BTBD9: variants seen among roughly 807,000 people sequenced by gnomAD.
BTBD9 encodes BTB domain containing 9.
BTBD9 carries 49 observed loss-of-function variants against 64.3 expected under a neutral mutation model. The observed-to-expected ratio is 0.76, with a 90% CI of 0.61 to 0.97. The LOEUF (loss-of-function observed/expected upper bound fraction) is 0.97, where lower values mean the gene tolerates loss of function less well. BTBD9 is among the 50% of genes least tolerant of loss of function. The pLI, the probability that BTBD9 is intolerant of heterozygous loss-of-function variation, is 0.00. For synonymous variants in BTBD9, 260 were observed against 274.7 expected (o/e 0.95, Z 0.53); for missense variants, 598 against 762.1 (o/e 0.78, Z 2.53).
At chr6:38,223,870 G>A (rs1046516306) in intron 9 of BTBD9, among the ~76,000 whole-genome samples, 5 of 151,562 alleles carry the variant, frequency 3.3e-5, no homozygotes, top group Non-Finnish European at 7.4e-5. Flanking sequence ...CCCTGTTCTA[G>A]GTTTACTTCT....
rs1766623478 is a variant in BTBD9, at chr6:38,168,746, GC to G, written c.*6238del. ...CTGGGAGGTACACACATCTTTACAG[GC>G]CCAGAAACGCCAAAGGCTGGGAGGC... On this transcript the variant is annotated 3_prime_UTR_variant, in exon 11 of 11. Coordinates refer to ENST00000481247, the MANE Select transcript of BTBD9 (RefSeq NM_001099272.2). The G allele has an allele frequency of 6.6e-6, 1 of 152,186 alleles. No homozygotes were observed. Among genetic ancestry groups the G allele is most frequent in the Non-Finnish European group, 1.5e-5 (1 of 68,054 alleles). 9.4% of individuals were successfully genotyped at this position (152,186 alleles called of 1,614,324 possible).
At chr6:38,466,305 T>G (rs1770388489) in intron 6 of BTBD9, among the ~76,000 whole-genome samples, 2 of 144,488 alleles carry the variant, frequency 1.4e-5, no homozygotes, top group Non-Finnish European at 3.0e-5. Flanking sequence ...TTTTTTTTTT[T>G]TTTTTAGATG....
At chr6:38,514,525 A>G (rs529795016) in intron 6 of BTBD9, among the ~76,000 whole-genome samples, 100 of 152,258 alleles carry the variant, frequency 6.6e-4, no homozygotes, top group African/African-American at 2.3e-3. Flanking sequence ...GAACATGAAC[A>G]AAGTCCACCC....
At chr6:38,194,232 C>T (rs1247874957) in intron 9 of BTBD9, among the ~76,000 whole-genome samples, 1 of 152,114 alleles carries the variant, frequency 6.6e-6, no homozygotes, top group East Asian at 1.9e-4. Flanking sequence ...TGACCACACA[C>T]TCATGTCCTT....
At chr6:38,561,203 G>A (rs1775248307) in intron 6 of BTBD9, among the ~76,000 whole-genome samples, 1 of 152,158 alleles carries the variant, frequency 6.6e-6, no homozygotes, top group East Asian at 1.9e-4. Flanking sequence ...CCCACTAGCA[G>A]TGTATAAGTG....
intron 6 of BTBD9, among the ~76,000 whole-genome samples, chr6:38,362,273 C>T (rs894930273): frequency 2.0e-5 from 3 of 152,210 alleles, no homozygotes; most frequent in Non-Finnish European, 4.4e-5. Flanking sequence ...TGGTGTGTCT[C>T]ACGTTGTATC....
At chr6:38,573,271 G>T (rs914996872) in intron 6 of BTBD9, among the ~76,000 whole-genome samples, 1 of 152,104 alleles carries the variant, frequency 6.6e-6, no homozygotes, top group African/African-American at 2.4e-5. Context: ...GCAATTGGTA[G>T]AAATTGAGTA....
intron 7 of BTBD9, among the ~76,000 whole-genome samples, chr6:38,296,029 C>T (rs1404869632): frequency 6.6e-6 from 1 of 152,056 alleles, no homozygotes; most frequent in African/African-American, 2.4e-5. Context: ...GCCTAGGCAA[C>T]AAAGCGAGAC....
At chr6:38,201,383 G>C (rs1357341580) in intron 9 of BTBD9, among the ~76,000 whole-genome samples, 1 of 152,096 alleles carries the variant, frequency 6.6e-6, no homozygotes, top group African/African-American at 2.4e-5. Flanking sequence ...GCATTTAATA[G>C]AATTCAACAT....
At chr6:38,546,068 G>A (rs1179431352) in intron 6 of BTBD9, among the ~76,000 whole-genome samples, 1 of 152,122 alleles carries the variant, frequency 6.6e-6, no homozygotes, top group African/African-American at 2.4e-5. Flanking sequence ...TCTGAAGGCA[G>A]GGCCCCTAGG....
intron 6 of BTBD9, among the ~76,000 whole-genome samples, chr6:38,408,645 T>C (rs1767277347): frequency 6.6e-6 from 1 of 152,154 alleles, no homozygotes; most frequent in Non-Finnish European, 1.5e-5. Flanking sequence ...CCACTGAACA[T>C]ACAAACTATA....
intron 6 of BTBD9, among the ~76,000 whole-genome samples, chr6:38,478,823 T>C (rs751101048): frequency 6.6e-6 from 1 of 152,204 alleles, no homozygotes; most frequent in Non-Finnish European, 1.5e-5. Flanking sequence ...TACTATATAA[T>C]GACCAAGTCG....
intron 6 of BTBD9, among the ~76,000 whole-genome samples, chr6:38,576,748 A>T (rs768412750): frequency 6.6e-6 from 1 of 152,136 alleles, no homozygotes; most frequent in Non-Finnish European, 1.5e-5. Flanking sequence ...TCTACCTTTA[A>T]TCTTTTGACT....
chr6:38,524,083 G>C (rs1160877308), intron 6 of BTBD9, among the ~76,000 whole-genome samples: 1 of 151,994 alleles, frequency 6.6e-6, no homozygotes, highest in African/African-American at 2.4e-5. Context: ...AGCAGAGGGT[G>C]AACTTTTAAT....
intron 6 of BTBD9, among the ~76,000 whole-genome samples, chr6:38,440,594 T>A (rs796471847): frequency 5.3e-5 from 8 of 152,224 alleles, no homozygotes; most frequent in African/African-American, 1.9e-4. Flanking sequence ...ATAAGCTTTT[T>A]AAATTCTTCC....
intron 7 of BTBD9, among the ~76,000 whole-genome samples, chr6:38,312,946 T>C (rs1762892213): frequency 6.6e-6 from 1 of 152,210 alleles, no homozygotes; most frequent in South Asian, 2.1e-4. Context: ...GTGAAGAATG[T>C]CATTGGTATT....
chr6:38,582,818 TA>T (rs1237117974), intron 4 of BTBD9, among the ~76,000 whole-genome samples: 1 of 152,160 alleles, frequency 6.6e-6, no homozygotes, highest in Non-Finnish European at 1.5e-5. Flanking sequence ...AGGGTTACTG[TA>T]AAAAATACAC....
chr6:38,312,503 T>C (rs1183745655), intron 7 of BTBD9, among the ~76,000 whole-genome samples: 4 of 152,214 alleles, frequency 2.6e-5, no homozygotes, highest in Non-Finnish European at 4.4e-5. Flanking sequence ...GGAGAGTTCT[T>C]TCAATGTTTT....
chr6:38,624,762 G>A (rs1044039325), intron 1 of BTBD9, among the ~76,000 whole-genome samples: 4 of 151,548 alleles, frequency 2.6e-5, no homozygotes, highest in East Asian at 1.9e-4. Flanking sequence ...AATTACATTA[G>A]AAGACAAAGA....
Sources: gnomAD v4.1 joint callset for allele counts (sites outside exome capture counted in the v4.1 genomes callset) on GRCh38, gnomAD v4.1.1 for gene constraint, MANE v1.5 for transcripts, NCBI Gene and HGNC (gene_info 2026-07-23, HGNC 2026-07-21) for gene names.